ARHGEF38: variants seen among roughly 807,000 people sequenced by gnomAD.
The protein encoded by ARHGEF38 is Rho guanine nucleotide exchange factor 38.
A neutral mutation model predicts 79.9 loss-of-function variants in ARHGEF38; 79 were observed. That is an observed-to-expected ratio of 0.99 (90% CI 0.82 to 1.19). ARHGEF38 has a LOEUF of 1.19. Among genes scored for constraint, ARHGEF38 ranks in the 50% most tolerant of loss-of-function variants. The probability of loss-of-function intolerance (pLI) is 0.00; values close to 1 mark genes in which losing one functional copy is unlikely to be tolerated. For synonymous variants in ARHGEF38, 366 were observed against 328.3 expected (o/e 1.11, Z -1.24); for missense variants, 962 against 907.2 (o/e 1.06, Z -0.78).
At chr4:105,649,876 A>C (rs1193407172) in intron 7 of ARHGEF38, among the ~76,000 whole-genome samples, 1 of 152,194 alleles carries the variant, frequency 6.6e-6, no homozygotes, top group Non-Finnish European at 1.5e-5. Context: ...AACATCTTTG[A>C]AGTTATCCAA....
At chr4:105,610,943 G>A (rs1728268093) in intron 2 of ARHGEF38, among the ~76,000 whole-genome samples, 1 of 152,048 alleles carries the variant, frequency 6.6e-6, no homozygotes, top group Non-Finnish European at 1.5e-5. Flanking sequence ...TCTAAACAGA[G>A]ATAGTAAAGT....
rs1731262960 is a variant in ARHGEF38, at chr4:105,680,241, T to C, written c.*2304T>C. ...TAAGTCACTAAAATCTGTAGTTATA[T>C]AATCTTACATAAAGCATATGCAAAA... On this transcript the variant is annotated 3_prime_UTR_variant, in exon 14 of 14. Transcript: ENST00000420470. 1 of 410,006 alleles carries C rather than the reference T, an allele frequency of 2.4e-6. No homozygotes were observed. The highest frequency in any genetic ancestry group is 4.6e-6 in the Non-Finnish European group (1 of 218,540). The allele number at this position is 410,006 out of a possible 1,614,324, so 25.4% of individuals were successfully genotyped here.
intron 2 of ARHGEF38, among the ~76,000 whole-genome samples, chr4:105,589,785 A>AC (rs1727236235): frequency 6.6e-6 from 1 of 152,150 alleles, no homozygotes; most frequent in Admixed American, 6.6e-5. Context: ...GTAACCCAGC[A>AC]CTTTGGGAGG....
rs1351488936 is a variant in ARHGEF38 at position 105,648,624 on chromosome 4, G to A, written c.950G>A (p.Ser317Asn). Reference sequence around the variant, plus strand: ...TCTAAACTAAATATTCATTCAATTAGCAAGAAATCAAAAAGAGTGACAAAT... The same window carrying A: ...TCTAAACTAAATATTCATTCAATTAACAAGAAATCAAAAAGAGTGACAAAT... ...KLSKLNIHSISKKSKRVTNHL... is the reference protein window; with the variant it reads ...KLSKLNIHSINKKSKRVTNHL... Residue 317 changes from serine (S) to asparagine (N), a missense_variant, in exon 7 of 14, where the codon AGC becomes AAC. Physicochemically the swap from Ser to Asn is conservative, Grantham distance 46. Transcript: ENST00000420470. The A allele has an allele frequency of 2.6e-6, 4 of 1,532,980 alleles. No homozygotes were observed. The South Asian group carries it at 3.6e-5, about 14-fold the overall frequency. The allele number at this position is 1,532,980 out of a possible 1,614,324, so 95.0% of individuals were successfully genotyped here. A position where few individuals can be genotyped will look rare whatever the true frequency, so the allele number is the denominator to read the frequency against.
At chr4:105,570,615 T>G (rs1726176016) in intron 1 of ARHGEF38, among the ~76,000 whole-genome samples, 1 of 152,106 alleles carries the variant, frequency 6.6e-6, no homozygotes, top group South Asian at 2.1e-4. Context: ...TCAAATCTTG[T>G]GAGAATTCAC....
Position 105,677,861 on chromosome 4 carries a change from A to T in ARHGEF38, c.2258A>T (p.Glu753Val), listed in dbSNP as rs1328479613. ...LRFCDLSGNKEWWLAEAQGQK... is the reference protein window; with the variant it reads ...LRFCDLSGNKVWWLAEAQGQK... ...TTTTGTGACCTAAGTGGCAATAAAG[A>T]GTGGTGGTTAGCTGAAGCTCAAGGG... is the stretch of plus-strand genomic sequence containing the variant. The change falls in exon 14 of 14, where the codon GAG becomes GTG. Residue 753 changes from glutamate to valine, a missense_variant. Transcript: ENST00000420470. 1.2e-5 allele frequency: 19 copies of T among 1,535,304 alleles called. No homozygotes were observed. The highest frequency in any genetic ancestry group is 1.4e-5 in the Non-Finnish European group (16 of 1,146,364).
chr4:105,556,489 C>CT (rs1419059661), intron 1 of ARHGEF38, among the ~76,000 whole-genome samples: 1 of 152,054 alleles, frequency 6.6e-6, no homozygotes, highest in Non-Finnish European at 1.5e-5. Context: ...AATGGTGTCT[C>CT]TAAGAAATGG....
chr4:105,633,724 C>T (rs903419616), intron 4 of ARHGEF38, among the ~76,000 whole-genome samples: 3 of 152,030 alleles, frequency 2.0e-5, no homozygotes, highest in Non-Finnish European at 4.4e-5. Context: ...AATAAGAGTG[C>T]TAAATAATGT....
intron 1 of ARHGEF38, among the ~76,000 whole-genome samples, chr4:105,586,950 A>G (rs900874544): frequency 2.0e-5 from 3 of 151,004 alleles, no homozygotes; most frequent in African/African-American, 7.3e-5. Context: ...ACATCAAAAT[A>G]TTATGTTGTA....
chr4:105,657,412 T>G (rs1286041043), intron 9 of ARHGEF38, among the ~76,000 whole-genome samples: 1 of 152,182 alleles, frequency 6.6e-6, no homozygotes. Context: ...TATAGAACTC[T>G]TTTTAAAAAT....
intron 13 of ARHGEF38, among the ~76,000 whole-genome samples, chr4:105,669,553 C>T (rs17261786): frequency 0.066 from 9,983 of 151,772 alleles, 334 homozygotes; most frequent in Middle Eastern, 0.1. Context: ...TTATTGATTG[C>T]TGTCCAATTC....
chr4:105,570,961 C>T (rs1043046664), intron 1 of ARHGEF38, among the ~76,000 whole-genome samples: 3 of 152,136 alleles, frequency 2.0e-5, no homozygotes, highest in African/African-American at 4.8e-5. Context: ...ATATGAAGTA[C>T]ATACTAGTCA....
At chr4:105,564,751 G>A (rs1309105023) in intron 1 of ARHGEF38, among the ~76,000 whole-genome samples, 1 of 152,158 alleles carries the variant, frequency 6.6e-6, no homozygotes, top group East Asian at 1.9e-4. Context: ...TCTCTGGCCT[G>A]GAGGACAGTG....
intron 1 of ARHGEF38, among the ~76,000 whole-genome samples, chr4:105,576,847 C>A (rs1479522886): frequency 6.6e-6 from 1 of 151,968 alleles, no homozygotes; most frequent in African/African-American, 2.4e-5. Context: ...TTATTGAGTG[C>A]TTTTTTCTGC....
At chr4:105,605,789 C>T (rs1162108002) in intron 2 of ARHGEF38, among the ~76,000 whole-genome samples, 1 of 152,066 alleles carries the variant, frequency 6.6e-6, no homozygotes, top group Non-Finnish European at 1.5e-5. Flanking sequence ...GTTGCTGGGG[C>T]TTTCTGCCAA....
intron 1 of ARHGEF38, among the ~76,000 whole-genome samples, chr4:105,585,726 C>CCTTTT (rs3056721): frequency 1.4e-5 from 1 of 71,504 alleles, no homozygotes; most frequent in Admixed American, 2.6e-4. Flanking sequence ...CCCTCCGTTG[C>CCTTTT]TTTTTTTTTT....
chr4:105,572,104 C>A (rs1419783048), intron 1 of ARHGEF38, among the ~76,000 whole-genome samples: 1 of 152,114 alleles, frequency 6.6e-6, no homozygotes, highest in Non-Finnish European at 1.5e-5. Flanking sequence ...ATAAACCTAC[C>A]TTTCTATGTG....
chr4:105,672,054 T>G (rs1730974511), intron 13 of ARHGEF38, among the ~76,000 whole-genome samples: 1 of 152,130 alleles, frequency 6.6e-6, no homozygotes, highest in African/African-American at 2.4e-5. Context: ...CATTCACATA[T>G]AGGCAATTTC....
intron 2 of ARHGEF38, among the ~76,000 whole-genome samples, chr4:105,604,736 T>A (rs1727967735): frequency 6.6e-6 from 1 of 152,016 alleles, no homozygotes; most frequent in Non-Finnish European, 1.5e-5. Context: ...GAAGAAGAAA[T>A]AAACACACAT....
Sources: allele counts gnomAD v4.1 joint callset (sites outside exome capture counted in the v4.1 genomes callset), GRCh38; gene constraint gnomAD v4.1.1; transcripts MANE v1.5; gene names NCBI Gene and HGNC (gene_info 2026-07-23, HGNC 2026-07-21).